Variants in RIN2 observed in about 807,000 individuals in gnomAD.
RIN2 encodes the protein Ras and Rab interactor 2, also known as RAB5 interacting protein 2.
In RIN2, 36 loss-of-function variants were observed where a neutral mutation model predicts 78.0. The observed-to-expected ratio is 0.46, with a 90% CI of 0.35 to 0.61. RIN2 has a LOEUF of 0.61. Among genes scored for constraint, RIN2 ranks in the 20% least tolerant of loss-of-function variants. The pLI, the probability that RIN2 is intolerant of heterozygous loss-of-function variation, is 0.00. For missense variants in RIN2, 1,087 were observed against 1,159.7 expected (o/e 0.94, Z 0.91); for synonymous variants, 466 against 466.8 (o/e 1.00, Z 0.02).
chr20:19,952,288 G>A (rs6112681), intron 4 of RIN2, among the ~76,000 whole-genome samples: 8,487 of 152,238 alleles, frequency 0.056, 499 homozygotes, highest in East Asian at 0.3. Flanking sequence ...AGGGGCAGCT[G>A]TGAGCTTTCC....
intron 5 of RIN2, among the ~76,000 whole-genome samples, chr20:19,958,867 T>A (rs1002155342): frequency 6.6e-6 from 1 of 152,008 alleles, no homozygotes; most frequent in African/African-American, 2.4e-5. Flanking sequence ...AGACTCCATC[T>A]AAAAATAAAA....
chr20:19,843,986 G>A (rs1407423776), intron 2 of RIN2, among the ~76,000 whole-genome samples: 1 of 152,058 alleles, frequency 6.6e-6, no homozygotes, highest in African/African-American at 2.4e-5. Context: ...CATGATTTGG[G>A]CAAATTAACA....
rs1252402182 is a variant in RIN2, at chr20:20,000,943, G to A, written c.*7G>A. 6.2e-7 allele frequency: 1 copy of A among 1,601,884 alleles called. No homozygotes were observed. Among genetic ancestry groups the A allele is most frequent in the East Asian group, 2.2e-5 (1 of 44,800 alleles). On this transcript the variant is annotated 3_prime_UTR_variant, in exon 13 of 13. Transcript: ENST00000255006. Reference sequence around the variant, plus strand: ...AGACCTCACCACCTCCTAGAAGACAGGCGGGACTTCCCAGTGGTGCATCCA... The same window carrying A: ...AGACCTCACCACCTCCTAGAAGACAAGCGGGACTTCCCAGTGGTGCATCCA...
rs367774147 is a variant in RIN2, at chr20:20,000,871, C to T, written c.2623C>T (p.Arg875Cys). ...CCACATCTTCCACTTTGTCTACAAA[C>T]GCATCAAGAACGATCCTTATGGCAT... ...QPHIFHFVYKRIKNDPYGIIF... is the reference protein window; with the variant it reads ...QPHIFHFVYKCIKNDPYGIIF... The change falls in exon 13 of 13, where the codon CGC becomes TGC. Residue 875 changes from arginine to cysteine, a missense_variant. Arg to Cys is a radical substitution (Grantham distance 180). This residue lies in a region of RIN2 where 160 missense variants were observed against 179.4 expected (regional missense o/e 0.89). Transcript: ENST00000255006. The T allele has an allele frequency of 1.1e-4, 174 of 1,613,886 alleles. No individual in the cohort carries two copies. The highest frequency in any genetic ancestry group is 1.4e-4 in the Non-Finnish European group (162 of 1,179,896).
chr20:19,909,961 C>T (rs1034072311), intron 3 of RIN2, among the ~76,000 whole-genome samples: 8 of 152,116 alleles, frequency 5.3e-5, no homozygotes, highest in African/African-American at 1.4e-4. Context: ...TAGCTGCACA[C>T]GCTTCCTCCA....
chr20:19,852,739 T>C (rs1485981919), intron 2 of RIN2, among the ~76,000 whole-genome samples: 2 of 152,174 alleles, frequency 1.3e-5, no homozygotes, highest in Non-Finnish European at 2.9e-5. Context: ...AATGAAATTA[T>C]TATTCTGTGA....
At chr20:19,964,067 T>C (rs1377578281) in intron 6 of RIN2, among the ~76,000 whole-genome samples, 1 of 152,064 alleles carries the variant, frequency 6.6e-6, no homozygotes, top group Non-Finnish European at 1.5e-5. Flanking sequence ...TTTTGCCATG[T>C]TGGCCAGGCT....
intron 1 of RIN2, among the ~76,000 whole-genome samples, chr20:19,767,722 C>T (rs1404282930): frequency 3.3e-5 from 5 of 151,830 alleles, no homozygotes; most frequent in African/African-American, 1.2e-4. Context: ...GTCAGGAGTT[C>T]GAGACCAGCC....
At chr20:19,939,883 C>T (rs1420102710) in intron 4 of RIN2, among the ~76,000 whole-genome samples, 3 of 150,604 alleles carry the variant, frequency 2.0e-5, no homozygotes, top group African/African-American at 7.4e-5. Context: ...CAGACTTCCA[C>T]TCTATCGCCT....
chr20:19,948,980 T>A (rs914082656), intron 4 of RIN2, among the ~76,000 whole-genome samples: 10 of 146,794 alleles, frequency 6.8e-5, no homozygotes, highest in African/African-American at 7.5e-5. Context: ...AATTTTACTT[T>A]AAAAAAAAAA....
At chr20:19,896,023 G>C (rs2038704503) in intron 3 of RIN2, 2 of 152,304 alleles carry the variant, frequency 1.3e-5, no homozygotes, top group African/African-American at 2.4e-5. Flanking sequence ...GGGATTCCCA[G>C]TAATGGAGTT....
At chr20:19,834,424 A>G (rs2036341889) in intron 2 of RIN2, among the ~76,000 whole-genome samples, 1 of 152,196 alleles carries the variant, frequency 6.6e-6, no homozygotes, top group African/African-American at 2.4e-5. Context: ...CAGGAAGGAC[A>G]AATGGCCTAA....
chr20:19,976,927 GTTTTC>G (rs1568693765), intron 9 of RIN2, among the ~76,000 whole-genome samples: 1 of 152,090 alleles, frequency 6.6e-6, no homozygotes. Flanking sequence ...AGCCTTGTTT[GTTTTC>G]TTGTGGTTTG....
chr20:19,968,056 A>T (rs2041992047), intron 7 of RIN2, among the ~76,000 whole-genome samples: 1 of 152,090 alleles, frequency 6.6e-6, no homozygotes. Context: ...AGCTGCTGAG[A>T]CCTTAGGGTC....
chr20:19,928,049 C>T (rs1342023881), intron 3 of RIN2, among the ~76,000 whole-genome samples: 2 of 152,144 alleles, frequency 1.3e-5, no homozygotes, highest in Admixed American at 6.6e-5. Flanking sequence ...ACTATAGGTG[C>T]ACACCACCAT....
chr20:19,849,656 C>T (rs983121239), intron 2 of RIN2, among the ~76,000 whole-genome samples: 5 of 152,124 alleles, frequency 3.3e-5, no homozygotes, highest in Admixed American at 3.3e-4. Context: ...ATAATTGCTG[C>T]CTTTTAAGAG....
rs559594866 is a variant in RIN2 at position 19,872,468 on chromosome 20, G to A, written c.-36-17098G>A. Among the ~76,000 whole-genome samples the A allele has an allele frequency of 2.1e-4, 32 of 152,184 alleles. No individual in the cohort carries two copies. The East Asian group carries it at 5.4e-3, about 26-fold the overall frequency. ...TAAGATGCATGTGCGATTGTACCTC[G>A]CTCACTTCCTCCTACCATACACTCC... On this transcript the variant is annotated intron_variant, in intron 2 of 12. Coordinates refer to ENST00000255006, the MANE Select transcript of RIN2 (RefSeq NM_018993.4).
At chr20:19,951,035 A>C (rs1456116145) in intron 4 of RIN2, among the ~76,000 whole-genome samples, 2 of 152,016 alleles carry the variant, frequency 1.3e-5, no homozygotes, top group Non-Finnish European at 2.9e-5. Context: ...GACCAGAGGA[A>C]CGCTCCATCA....
intron 2 of RIN2, among the ~76,000 whole-genome samples, chr20:19,875,151 G>T (rs531199973): frequency 1.3e-5 from 2 of 150,884 alleles, no homozygotes; most frequent in African/African-American, 4.9e-5. Context: ...ATGAGCCACC[G>T]CACCCAGCAG....
Sources: gnomAD v4.1 joint callset for allele counts (sites outside exome capture counted in the v4.1 genomes callset) on GRCh38, gnomAD v4.1.1 for gene constraint, gnomAD v4.1.1 regional missense constraint, MANE v1.5 for transcripts, NCBI Gene and HGNC (gene_info 2026-07-23, HGNC 2026-07-21) for gene names.